Variants in RBMS3 observed in about 807,000 individuals in gnomAD.
The protein encoded by RBMS3 is RNA-binding motif, single-stranded-interacting protein 3.
A neutral mutation model predicts 66.8 loss-of-function variants in RBMS3; 27 were observed. The ratio of observed to expected loss-of-function variants is 0.40; its 90% CI spans 0.30 to 0.56. The LOEUF (loss-of-function observed/expected upper bound fraction) is 0.56, where lower values mean the gene tolerates loss of function less well. RBMS3 is among the 20% of genes least tolerant of loss of function. The probability of loss-of-function intolerance (pLI) is 0.40; values close to 1 mark genes in which losing one functional copy is unlikely to be tolerated. For missense variants in RBMS3, 513 were observed against 549.5 expected (o/e 0.93, Z 0.66); for synonymous variants, 188 against 183.0 (o/e 1.03, Z -0.22).
chr3:29,975,528 T>G (rs1697527065), intron 12 of RBMS3, among the ~76,000 whole-genome samples: 1 of 151,954 alleles, frequency 6.6e-6, no homozygotes, highest in Non-Finnish European at 1.5e-5. Context: ...TCAATCATGT[T>G]TTAATATGCA....
intron 3 of RBMS3, among the ~76,000 whole-genome samples, chr3:29,532,425 G>A (rs773186412): frequency 1.6e-4 from 25 of 151,820 alleles, no homozygotes; most frequent in Non-Finnish European, 2.1e-4. Context: ...ACAGGGATCA[G>A]TTTCCTCCTT....
rs992665432 is a variant in RBMS3, at chr3:30,008,780, T to G, written c.*4918T>G. 1.3e-5 allele frequency: 2 copies of G among 152,108 alleles called. No individual in the cohort carries two copies. Among genetic ancestry groups the G allele is most frequent in the African/African-American group, 4.8e-5 (2 of 41,448 alleles). The allele number at this position is 152,108 out of a possible 1,614,324, so 9.4% of individuals were successfully genotyped here. A position where few individuals can be genotyped will look rare whatever the true frequency, so the allele number is the denominator to read the frequency against. On this transcript the variant is annotated 3_prime_UTR_variant, in exon 15 of 15. Coordinates refer to ENST00000383767, the MANE Select transcript of RBMS3 (RefSeq NM_001003793.3). ...GTTTAACATTTCTTACCAAACATTC[T>G]TAAGTATGAAATTGGTCCTTTAATC...
intron 4 of RBMS3, among the ~76,000 whole-genome samples, chr3:29,730,418 A>G (rs1359705755): frequency 2.0e-5 from 3 of 152,150 alleles, no homozygotes; most frequent in Admixed American, 1.3e-4. Flanking sequence ...TGTTTACCAA[A>G]GGTGAATCTA....
chr3:29,746,511 C>T (rs1028214013), intron 5 of RBMS3, among the ~76,000 whole-genome samples: 1 of 152,158 alleles, frequency 6.6e-6, no homozygotes, highest in Non-Finnish European at 1.5e-5. Context: ...TTCTAATTGC[C>T]ATCAGATGTG....
intron 1 of RBMS3, among the ~76,000 whole-genome samples, chr3:29,306,794 A>G (rs576697416): frequency 1.3e-5 from 2 of 151,786 alleles, no homozygotes; most frequent in Non-Finnish European, 2.9e-5. Flanking sequence ...CTCCCGTTTG[A>G]CTGGAGTCTT....
At chr3:29,620,244 T>TCC (rs1162343810) in intron 4 of RBMS3, among the ~76,000 whole-genome samples, 1 of 152,178 alleles carries the variant, frequency 6.6e-6, no homozygotes, top group Non-Finnish European at 1.5e-5. Flanking sequence ...CCATCCTTAT[T>TCC]TTTATTGACA....
chr3:29,491,694 G>A (rs1208224536), intron 3 of RBMS3, among the ~76,000 whole-genome samples: 1 of 152,180 alleles, frequency 6.6e-6, no homozygotes, highest in Non-Finnish European at 1.5e-5. Flanking sequence ...GCATCTGTAA[G>A]AAATTGGACA....
At chr3:29,905,565 G>C (rs371456055) in intron 10 of RBMS3, among the ~76,000 whole-genome samples, 1 of 151,594 alleles carries the variant, frequency 6.6e-6, no homozygotes, top group Admixed American at 6.6e-5. Flanking sequence ...TTTTATCTTT[G>C]TATCTGTTTT....
chr3:29,727,157 A>T (rs1375791438), intron 4 of RBMS3, among the ~76,000 whole-genome samples: 1 of 152,228 alleles, frequency 6.6e-6, no homozygotes, highest in Non-Finnish European at 1.5e-5. Context: ...AAAACTGGCT[A>T]GCCATATGCA....
At chr3:29,555,942 G>A (rs535616141) in intron 3 of RBMS3, among the ~76,000 whole-genome samples, 72 of 152,128 alleles carry the variant, frequency 4.7e-4, no homozygotes, top group African/African-American at 1.6e-3. Flanking sequence ...TACCTGCTAC[G>A]GCTAAATCGA....
At chr3:29,882,641 A>G (rs2059763167) in intron 7 of RBMS3, among the ~76,000 whole-genome samples, 1 of 152,106 alleles carries the variant, frequency 6.6e-6, no homozygotes, top group Non-Finnish European at 1.5e-5. Context: ...GAAATACTGC[A>G]TGCAATCTAA....
chr3:29,617,297 G>C (rs1298083011), intron 4 of RBMS3, among the ~76,000 whole-genome samples: 1 of 152,162 alleles, frequency 6.6e-6, no homozygotes, highest in African/African-American at 2.4e-5. Context: ...TATTGATATT[G>C]CAGACTTGAC....
intron 12 of RBMS3, among the ~76,000 whole-genome samples, chr3:29,986,009 A>G (rs1577322840): frequency 6.6e-6 from 1 of 152,206 alleles, no homozygotes; most frequent in African/African-American, 2.4e-5. Flanking sequence ...AGTATTCTAC[A>G]GAGGGTGCCA....
intron 1 of RBMS3, among the ~76,000 whole-genome samples, chr3:29,387,222 A>G: frequency 6.6e-6 from 1 of 152,208 alleles, no homozygotes; most frequent in Non-Finnish European, 1.5e-5. Context: ...CCTGAACTCC[A>G]GGTTATAAAA....
chr3:29,966,118 T>C (rs920579455), intron 12 of RBMS3, among the ~76,000 whole-genome samples: 17 of 152,218 alleles, frequency 1.1e-4, no homozygotes, highest in Non-Finnish European at 2.4e-4. Flanking sequence ...ACCATGCTGT[T>C]TTGATGACTA....
chr3:29,605,228 T>A (rs1228824441), intron 4 of RBMS3, among the ~76,000 whole-genome samples: 1 of 151,736 alleles, frequency 6.6e-6, no homozygotes, highest in Non-Finnish European at 1.5e-5. Context: ...ATTCTTAAAC[T>A]GAAGAAAAAA....
intron 6 of RBMS3, among the ~76,000 whole-genome samples, chr3:29,791,067 T>C (rs1290609985): frequency 6.6e-6 from 1 of 152,182 alleles, no homozygotes; most frequent in Non-Finnish European, 1.5e-5. Context: ...TATTCCTCTA[T>C]ACCAGTATGT....
At chr3:29,598,960 A>G (rs1486996507) in intron 4 of RBMS3, among the ~76,000 whole-genome samples, 1 of 152,076 alleles carries the variant, frequency 6.6e-6, no homozygotes, top group East Asian at 1.9e-4. Flanking sequence ...AAGTATTAGA[A>G]AGAATAAAAA....
intron 3 of RBMS3, among the ~76,000 whole-genome samples, chr3:29,543,447 G>T (rs140079559): frequency 1.8e-3 from 273 of 152,222 alleles, no homozygotes; most frequent in African/African-American, 6.4e-3. Context: ...GGTGGCTAAC[G>T]CCTGTAATCC....
Sources: allele counts gnomAD v4.1 joint callset (sites outside exome capture counted in the v4.1 genomes callset), GRCh38; gene constraint gnomAD v4.1.1; transcripts MANE v1.5; gene names NCBI Gene and HGNC (gene_info 2026-07-23, HGNC 2026-07-21).